The following DCLK3 variants were observed in gnomAD, a reference collection of about 807,000 sequenced individuals.
DCLK3 encodes doublecortin like kinase 3.
In DCLK3, 30 loss-of-function variants were observed where a neutral mutation model predicts 46.4. That is an observed-to-expected ratio of 0.65 (90% CI 0.48 to 0.88). The LOEUF is 0.88. Among genes scored for constraint, DCLK3 ranks in the 40% least tolerant of loss-of-function variants. DCLK3 has a pLI of 0.00. For missense variants in DCLK3, 846 were observed against 907.1 expected (o/e 0.93, Z 0.87); for synonymous variants, 401 against 339.2 (o/e 1.18, Z -2.00).
Position 36,718,086 on chromosome 3 carries a change from G to A in DCLK3, c.2184C>T (p.Asp728=), listed in dbSNP as rs1701007824. The stretch of plus-strand genomic sequence containing the variant: ...GGATGATGTTAAAGAGCTCGTCCTG[G>A]TCCCTCTCAGGGCTGCGGAATGGGG... The part of the protein sequence containing the change: ...GFPPFRSPER[D]QDELFNIIQL... The change falls in exon 4 of 5, where the codon GAC becomes GAT. Residue 728 remains aspartate (D), a synonymous_variant. Coordinates refer to ENST00000636136, the MANE Select transcript of DCLK3 (RefSeq NM_001394672.2). 5 of 1,614,166 alleles carry A rather than the reference G, an allele frequency of 3.1e-6. No individual in the cohort carries two copies. The highest frequency in any genetic ancestry group is 1.6e-4 in the Middle Eastern group (1 of 6,062).
chr3:36,762,230 T>C (rs896282096), intron 1 of DCLK3, among the ~76,000 whole-genome samples: 2 of 152,180 alleles, frequency 1.3e-5, no homozygotes, highest in African/African-American at 4.8e-5. Context: ...AAAGGCACCC[T>C]ACAGGTTAGC....
chr3:36,719,621 C>T (rs529305575), intron 3 of DCLK3, among the ~76,000 whole-genome samples: 2 of 152,332 alleles, frequency 1.3e-5, no homozygotes, highest in African/African-American at 2.4e-5. Context: ...AAGAATCTGT[C>T]CTTGGCTCTC....
intron 3 of DCLK3, among the ~76,000 whole-genome samples, chr3:36,719,458 G>A (rs1037964887): frequency 2.0e-5 from 3 of 152,190 alleles, no homozygotes; most frequent in African/African-American, 7.2e-5. Context: ...CCATCTCACT[G>A]TTGAGAGGGA....
intron 2 of DCLK3, among the ~76,000 whole-genome samples, chr3:36,727,718 T>A (rs2125525187): frequency 6.6e-6 from 1 of 152,336 alleles, no homozygotes. Context: ...TGGCCCCAGA[T>A]GGCCCGATGT....
chr3:36,751,063 T>TGAAAAAAAAAAAAAAAA (rs1701436459), intron 1 of DCLK3, among the ~76,000 whole-genome samples: 1 of 76,474 alleles, frequency 1.3e-5, no homozygotes, highest in Non-Finnish European at 2.3e-5. Context: ...CGGGATGATC[T>TGAAAAAAAAAAAAAAAA]AAAAAAAAAA....
At chr3:36,724,027 G>C (rs1018213926) in intron 2 of DCLK3, among the ~76,000 whole-genome samples, 3 of 152,156 alleles carry the variant, frequency 2.0e-5, no homozygotes, top group African/African-American at 7.2e-5. Context: ...GCTGTACCCT[G>C]CAAAACCACA....
At chr3:36,721,175 T>A (rs1701049592) in intron 3 of DCLK3, among the ~76,000 whole-genome samples, 2 of 152,134 alleles carry the variant, frequency 1.3e-5, no homozygotes, top group Admixed American at 1.3e-4. Context: ...ACTGCTTCAA[T>A]TCTCTCCTAT....
intron 2 of DCLK3, among the ~76,000 whole-genome samples, chr3:36,733,969 T>A (rs1701229261): frequency 1.3e-5 from 2 of 152,166 alleles, no homozygotes; most frequent in African/African-American, 4.8e-5. Context: ...ACATAATCAC[T>A]TCCCGAAGCT....
chr3:36,748,479 C>T (rs1052978618), intron 1 of DCLK3, among the ~76,000 whole-genome samples: 10 of 152,154 alleles, frequency 6.6e-5, no homozygotes, highest in African/African-American at 2.4e-4. Flanking sequence ...CCCAGGGCAG[C>T]CTCAGCAGAG....
At chr3:36,745,479 T>A (rs1241786051) in intron 1 of DCLK3, among the ~76,000 whole-genome samples, 1 of 152,218 alleles carries the variant, frequency 6.6e-6, no homozygotes, top group African/African-American at 2.4e-5. Context: ...AACTATCTGG[T>A]CATATTCAAT....
At chr3:36,749,931 A>T (rs556665621) in intron 1 of DCLK3, among the ~76,000 whole-genome samples, 63 of 152,348 alleles carry the variant, frequency 4.1e-4, no homozygotes, top group Non-Finnish European at 8.1e-4. Flanking sequence ...TAATAAGGGA[A>T]TAGTATGATT....
chr3:36,745,345 G>A (rs1701384407), intron 1 of DCLK3, among the ~76,000 whole-genome samples: 1 of 152,134 alleles, frequency 6.6e-6, no homozygotes, highest in African/African-American at 2.4e-5. Flanking sequence ...CTCCTAGAAA[G>A]CTATAATAAC....
intron 1 of DCLK3, among the ~76,000 whole-genome samples, chr3:36,750,812 T>C (rs1334977296): frequency 2.0e-5 from 3 of 152,138 alleles, no homozygotes. Context: ...TTTTGAACAA[T>C]GACATGGACA....
chr3:36,747,966 A>G (rs1342890878), intron 1 of DCLK3, among the ~76,000 whole-genome samples: 1 of 152,230 alleles, frequency 6.6e-6, no homozygotes, highest in Non-Finnish European at 1.5e-5. Flanking sequence ...TTGCTTTGCC[A>G]AAGTGGTTAG....
intron 1 of DCLK3, among the ~76,000 whole-genome samples, chr3:36,760,635 G>GAAAA: frequency 6.6e-6 from 1 of 151,944 alleles, no homozygotes; most frequent in Non-Finnish European, 1.5e-5. Flanking sequence ...ATTAAAAAAA[G>GAAAA]AAAGAAACAA....
At chr3:36,724,337 A>G (rs1347255705) in intron 2 of DCLK3, among the ~76,000 whole-genome samples, 2 of 152,066 alleles carry the variant, frequency 1.3e-5, no homozygotes, top group African/African-American at 2.4e-5. Flanking sequence ...TGGACTGTGG[A>G]CTCTTAAGTT....
intron 2 of DCLK3, among the ~76,000 whole-genome samples, chr3:36,732,461 C>G (rs1197046475): frequency 6.6e-6 from 1 of 152,152 alleles, no homozygotes; most frequent in Non-Finnish European, 1.5e-5. Flanking sequence ...CCAATGTAAA[C>G]CTACAGTCAT....
chr3:36,756,488 A>G (rs988052852), intron 1 of DCLK3, among the ~76,000 whole-genome samples: 2 of 152,236 alleles, frequency 1.3e-5, no homozygotes, highest in African/African-American at 2.4e-5. Context: ...CATCTGCTAA[A>G]GAAGGGGAGC....
At position 36,737,913 on chromosome 3, in the gene DCLK3, A is replaced by T. The variant is rs375008363; in HGVS notation, c.1254T>A (p.Val418=). The change falls in exon 2 of 5, where the codon GTT becomes GTA. Residue 418 remains valine, a synonymous_variant. Transcript: ENST00000636136. This position sits in a 1 kb window ranked among gnomAD's most constrained non-coding sequence, Gnocchi z 4.4. ...TCAGCCCCTCCTCTGTGACAGGAAG[A>T]ACTTCCACAAGGTCCTTCTTGGCCT... ...AAKAKKDLVE[V]LPVTEEGLRE... The T allele has an allele frequency of 2.5e-6, 4 of 1,614,038 alleles. No individual in the cohort carries two copies. The highest frequency in any genetic ancestry group is 2.5e-6 in the Non-Finnish European group (3 of 1,180,020).
Sources: gnomAD v4.1 joint callset for allele counts (sites outside exome capture counted in the v4.1 genomes callset) on GRCh38, gnomAD v4.1.1 for gene constraint, Gnocchi (gnomAD v3.1) non-coding constraint, MANE v1.5 for transcripts, NCBI Gene and HGNC (gene_info 2026-07-23, HGNC 2026-07-21) for gene names.